COP1: variants seen among roughly 807,000 people sequenced by gnomAD.
COP1 encodes E3 ubiquitin-protein ligase COP1.
In COP1, 24 loss-of-function variants were observed where a neutral mutation model predicts 101.3. The ratio of observed to expected loss-of-function variants is 0.24; its 90% CI spans 0.17 to 0.33. The LOEUF (loss-of-function observed/expected upper bound fraction) is 0.33, where lower values mean the gene tolerates loss of function less well. Ranked by LOEUF, COP1 falls within the 10% of genes least tolerant of loss-of-function variation. The pLI is 1.00. For missense variants in COP1, 663 were observed against 906.2 expected (o/e 0.73, Z 3.45); for synonymous variants, 347 against 341.9 (o/e 1.01, Z -0.17).
intron 11 of COP1, among the ~76,000 whole-genome samples, chr1:176,049,646 A>G (rs1672199717): frequency 6.6e-6 from 1 of 152,118 alleles, no homozygotes; most frequent in Non-Finnish European, 1.5e-5. Flanking sequence ...GGACTTCTAG[A>G]TACTGAAACA....
intron 14 of COP1, among the ~76,000 whole-genome samples, chr1:176,028,897 G>T (rs1668200021): frequency 6.6e-6 from 1 of 151,142 alleles, no homozygotes; most frequent in South Asian, 2.1e-4. Flanking sequence ...AGCTAGGTGT[G>T]TGTCACCAGG....
chr1:176,170,944 T>C (rs977122427), intron 3 of COP1, among the ~76,000 whole-genome samples: 2 of 151,754 alleles, frequency 1.3e-5, no homozygotes, highest in Non-Finnish European at 2.9e-5. Context: ...GCTAACACAG[T>C]GAAACCCCAT....
In COP1 at chr1:176,207,151, T is replaced by A; in HGVS notation, c.-173A>T. 6.5e-6 allele frequency: 3 copies of A among 464,280 alleles called. No individual in the cohort carries two copies. Among genetic ancestry groups the A allele is most frequent in the Non-Finnish European group, 1.1e-5 (3 of 276,238 alleles). The allele number at this position is 464,280 out of a possible 1,614,324, so 28.8% of individuals were successfully genotyped here. A position where few individuals can be genotyped will look rare whatever the true frequency, so the allele number is the denominator to read the frequency against. On this transcript the variant is annotated 5_prime_UTR_variant, in exon 1 of 20. Coordinates refer to ENST00000367669, the MANE Select transcript of COP1 (RefSeq NM_022457.7). The stretch of plus-strand genomic sequence containing the variant: ...TTTTTAAGGCAGCCACACAACAGCG[T>A]CCCACGGGAGGGGGCGGAGGAAACT...
chr1:176,006,538 G>C (rs1454894621), intron 15 of COP1, among the ~76,000 whole-genome samples: 4 of 152,152 alleles, frequency 2.6e-5, no homozygotes, highest in African/African-American at 9.7e-5. Flanking sequence ...TTTTAGGGCA[G>C]GCCTGGTGGT....
At chr1:176,199,836 T>C (rs966806996) in intron 1 of COP1, among the ~76,000 whole-genome samples, 2 of 152,182 alleles carry the variant, frequency 1.3e-5, no homozygotes, top group Admixed American at 6.5e-5. Flanking sequence ...ATATCTTCAT[T>C]AGGGTGGTGA....
At chr1:175,977,784 T>A (rs565937162) in intron 18 of COP1, among the ~76,000 whole-genome samples, 3 of 152,330 alleles carry the variant, frequency 2.0e-5, no homozygotes, top group Admixed American at 6.5e-5. Context: ...GCTTAGTTAA[T>A]TCTGCTTTCA....
rs1419733095 is a variant in COP1, at chr1:175,992,887, C to T, written c.1730-3408G>A. Among the ~76,000 whole-genome samples, 3 of 152,196 alleles carry T rather than the reference C, an allele frequency of 2.0e-5. No homozygotes were observed. In the East Asian group the frequency reaches 5.8e-4, roughly 29 times the overall value. Reference sequence around the variant, plus strand: ...CCCTGTCTGACAGCTTTGAAGAGAGCAGTGGTTCTCCCAGCATGCAGCTGG... The same window carrying T: ...CCCTGTCTGACAGCTTTGAAGAGAGTAGTGGTTCTCCCAGCATGCAGCTGG... On this transcript the variant is annotated intron_variant, in intron 15 of 19. Transcript: ENST00000367669.
At chr1:176,120,041 C>T (rs913894474) in intron 8 of COP1, among the ~76,000 whole-genome samples, 2 of 152,082 alleles carry the variant, frequency 1.3e-5, no homozygotes, top group East Asian at 3.8e-4. Flanking sequence ...AACTTAAGAA[C>T]TGGAAAATCC....
At chr1:176,184,379 T>G (rs929355485) in intron 2 of COP1, among the ~76,000 whole-genome samples, 2 of 152,118 alleles carry the variant, frequency 1.3e-5, no homozygotes, top group African/African-American at 4.8e-5. Context: ...AAGTTCCTAT[T>G]AACAATTAAT....
At chr1:176,007,400 T>C (rs1296407472) in intron 15 of COP1, among the ~76,000 whole-genome samples, 1 of 152,228 alleles carries the variant, frequency 6.6e-6, no homozygotes, top group Non-Finnish European at 1.5e-5. Flanking sequence ...ACTGCGTTCC[T>C]TTGGAGGAAG....
intron 15 of COP1, among the ~76,000 whole-genome samples, chr1:176,012,333 C>T (rs1664833211): frequency 6.6e-6 from 1 of 152,168 alleles, no homozygotes; most frequent in South Asian, 2.1e-4. Flanking sequence ...CACCATGTGA[C>T]TTGGCTGATC....
At chr1:176,139,336 A>C (rs2149761763) in intron 6 of COP1, among the ~76,000 whole-genome samples, 1 of 152,158 alleles carries the variant, frequency 6.6e-6, no homozygotes, top group South Asian at 2.1e-4. Flanking sequence ...GCAGAGAAAA[A>C]GGAATGTTTG....
chr1:176,018,583 T>C (rs1350927475), intron 15 of COP1: 3 of 152,082 alleles, frequency 2.0e-5, no homozygotes, highest in Non-Finnish European at 4.4e-5. Context: ...TTGAGGAACA[T>C]AAAAAATACA....
At chr1:176,097,530 T>C (rs1260168792) in intron 9 of COP1, among the ~76,000 whole-genome samples, 1 of 152,038 alleles carries the variant, frequency 6.6e-6, no homozygotes, top group Non-Finnish European at 1.5e-5. Context: ...ATATATGTGT[T>C]GTGTGTGTGA....
rs1193011990 is a variant in COP1, at chr1:176,163,865, G to C, written c.592C>G (p.Gln198Glu). The change falls in exon 4 of 20, where the codon CAA (glutamine) becomes GAA (glutamate). Residue 198 changes from glutamine (Q) to glutamate (E), a missense_variant. By Grantham distance (29) the Gln-to-Glu change is conservative. Coordinates refer to ENST00000367669, the MANE Select transcript of COP1 (RefSeq NM_022457.7). ...LVNELILKQK[Q>E]RFEEKRFKLD... The stretch of plus-strand genomic sequence containing the variant: ...TTGAACCTCTTTTCCTCAAATCTTT[G>C]CTTCTGTTTAAGAATGAGTTCATTC... 6.2e-7 allele frequency: 1 copy of C among 1,607,810 alleles called. No individual in the cohort carries two copies. Among genetic ancestry groups the C allele is most frequent in the East Asian group, 2.2e-5 (1 of 44,684 alleles).
At chr1:176,204,292 C>T (rs1371846725) in intron 1 of COP1, among the ~76,000 whole-genome samples, 6 of 152,020 alleles carry the variant, frequency 3.9e-5, no homozygotes, top group Non-Finnish European at 5.9e-5. Flanking sequence ...TAAAATAAAA[C>T]GTGAAGCATA....
intron 1 of COP1, among the ~76,000 whole-genome samples, chr1:176,195,161 AGAGGAAGGGAGGGAGGGAGGGAAGG>A (rs1699531515): frequency 7.3e-6 from 1 of 136,066 alleles, no homozygotes; most frequent in South Asian, 2.8e-4. Flanking sequence ...AGAGAGGGAA[AGAGGAAGGGAGGGAGGGAGGGAAGG>A]GAGGAAGGAA....
chr1:176,143,771 G>A (rs56367284), intron 6 of COP1, among the ~76,000 whole-genome samples: 1 of 151,786 alleles, frequency 6.6e-6, no homozygotes, highest in Admixed American at 6.6e-5. Flanking sequence ...AATCAGGATG[G>A]TTGGTCACTC....
intron 9 of COP1, among the ~76,000 whole-genome samples, chr1:176,105,305 C>T (rs905975687): frequency 2.0e-5 from 3 of 151,852 alleles, no homozygotes; most frequent in African/African-American, 7.3e-5. Context: ...GGGTGAAATA[C>T]AAATAGAAGT....
Sources: allele counts gnomAD v4.1 joint callset (sites outside exome capture counted in the v4.1 genomes callset), GRCh38; gene constraint gnomAD v4.1.1; transcripts MANE v1.5; gene names NCBI Gene and HGNC (gene_info 2026-07-23, HGNC 2026-07-21).